The following METTL21A variants were observed in gnomAD, a reference collection of about 807,000 sequenced individuals.
METTL21A encodes methyltransferase 21A, HSPA lysine.
In METTL21A, 22 loss-of-function variants were observed where a neutral mutation model predicts 20.9. The ratio of observed to expected loss-of-function variants is 1.05; its 90% CI spans 0.75 to 1.50. The LOEUF (loss-of-function observed/expected upper bound fraction) is 1.50. Among genes scored for constraint, METTL21A ranks in the 40% most tolerant of loss-of-function variants. METTL21A has a pLI of 0.00. For synonymous variants in METTL21A, 93 were observed against 102.0 expected (o/e 0.91, Z 0.53); for missense variants, 271 against 266.8 (o/e 1.02, Z -0.11).
downstream of METTL21A, chr2:207,581,363 A>G (rs867687709): frequency 5.0e-6 from 1 of 200,328 alleles, no homozygotes; most frequent in Non-Finnish European, 1.0e-5. Flanking sequence ...TTAAGAGTAA[A>G]TAAAGGTGTA....
chr2:207,620,821 T>A, intron 3 of METTL21A: 1 of 831,240 alleles, frequency 1.2e-6, no homozygotes, highest in Non-Finnish European at 1.8e-6. Flanking sequence ...TGAAAAAGTA[T>A]TGGGTTTCTG....
rs147079964 is a variant in METTL21A, at chr2:207,621,815, C to G, written c.250G>C (p.Ala84Pro). The stretch of plus-strand genomic sequence containing the variant: ...AATGCATGACACTCACCCAGCAGGG[C>G]AGCCACTATGCCCACCAGCCCCGTG... The change falls in exon 3 of 4, where the codon GCC (alanine) becomes CCC (proline). Residue 84 changes from alanine to proline, a missense_variant. Physicochemically the swap from Ala to Pro is conservative, Grantham distance 27. Transcript: ENST00000406927. The G allele has an allele frequency of 7.4e-4, 1,188 of 1,613,946 alleles. 1 individual carries two copies. Among genetic ancestry groups the G allele is most frequent in the Non-Finnish European group, 9.1e-4 (1,074 of 1,179,898 alleles).
intron 3 of METTL21A, among the ~76,000 whole-genome samples, chr2:207,592,098 T>C (rs1387121208): frequency 1.3e-5 from 2 of 152,192 alleles, no homozygotes; most frequent in Non-Finnish European, 2.9e-5. Flanking sequence ...TGAAAGATAT[T>C]TTTGCTGGGT....
intron 3 of METTL21A, chr2:207,596,822 G>C: frequency 2.1e-6 from 3 of 1,428,188 alleles, no homozygotes; most frequent in Non-Finnish European, 2.9e-6. Context: ...GTTGCTGTGA[G>C]CTATTTCTTT....
At chr2:207,621,105 G>C (rs1191538707) in intron 3 of METTL21A, among the ~76,000 whole-genome samples, 1 of 152,202 alleles carries the variant, frequency 6.6e-6, no homozygotes, top group Non-Finnish European at 1.5e-5. Flanking sequence ...TATCTTGAAA[G>C]CTGGTCTACC....
At chr2:207,615,333 C>T (rs913409902) in intron 3 of METTL21A, among the ~76,000 whole-genome samples, 2 of 151,866 alleles carry the variant, frequency 1.3e-5, no homozygotes, top group African/African-American at 4.8e-5. Context: ...ATTAGCCAGG[C>T]GTGGTGGCAC....
chr2:207,582,562 G>T (rs577512421), intron 3 of METTL21A, among the ~76,000 whole-genome samples: 1 of 152,112 alleles, frequency 6.6e-6, no homozygotes, highest in East Asian at 1.9e-4. Flanking sequence ...CTTTTGACAT[G>T]CCCCATTTTT....
At chr2:207,597,923 T>C (rs1342323936) in intron 3 of METTL21A, 1 of 185,884 alleles carries the variant, frequency 5.4e-6, no homozygotes, top group East Asian at 8.7e-5. Context: ...ATAACAAGAT[T>C]TTTAAATAAA....
downstream of METTL21A, chr2:207,610,525 C>A (rs2088720727): frequency 3.3e-4 from 1 of 3,050 alleles, no homozygotes; most frequent in Admixed American, 2.4e-3. Context: ...TGCCCGGCCG[C>A]TCCGTCTGAG....
intron 3 of METTL21A, chr2:207,620,771 C>G: frequency 1.5e-6 from 2 of 1,377,192 alleles, no homozygotes; most frequent in Non-Finnish European, 1.9e-6. Flanking sequence ...TGCTCCCTGT[C>G]GAATTTTGGA....
intron 3 of METTL21A, among the ~76,000 whole-genome samples, chr2:207,587,835 A>T (rs927868371): frequency 2.0e-5 from 3 of 152,172 alleles, no homozygotes; most frequent in Non-Finnish European, 4.4e-5. Context: ...TGGTTAATGG[A>T]CACAAACTTA....
chr2:207,612,493 G>T (rs2089107262), downstream of METTL21A: 1 of 151,792 alleles, frequency 6.6e-6, no homozygotes, highest in Non-Finnish European at 1.5e-5. Context: ...AAGGCAAAAA[G>T]CATGATATGA....
In METTL21A at chr2:207,597,397, A is replaced by G. The variant is rs182906174; in HGVS notation, c.260-15237T>C. 1.1e-5 allele frequency: 3 copies of G among 269,586 alleles called. No individual in the cohort carries two copies. The East Asian group carries it at 1.8e-4, about 17-fold the overall frequency. The allele number at this position is 269,586 out of a possible 1,614,324, so 16.7% of individuals were successfully genotyped here. On this transcript the variant is annotated intron_variant, in intron 3 of 3. Coordinates refer to the METTL21A transcript ENST00000425132. ...GAAAATCTTTTTAAAAATGATTTCAAGGTTTGTGCTGAGCTCCTTGATTGC... is the reference window on the plus strand; with the variant it reads ...GAAAATCTTTTTAAAAATGATTTCAGGGTTTGTGCTGAGCTCCTTGATTGC...
intron 3 of METTL21A, among the ~76,000 whole-genome samples, chr2:207,594,314 T>G (rs1378105494): frequency 6.6e-6 from 1 of 152,194 alleles, no homozygotes; most frequent in African/African-American, 2.4e-5. Context: ...TGTGGTGCAG[T>G]AGATTTCCAG....
rs1410024642 is a variant in METTL21A at position 207,613,138 on chromosome 2, T to C, written c.565A>G (p.Arg189Gly). The change falls in exon 4 of 4, where the codon AGG (arginine) becomes GGG (glycine). Residue 189 changes from arginine to glycine, a missense_variant. Transcript: ENST00000406927. ...TGAACCTTTCTCACAGTAAATTGCC[T>C]CTCCAGCATTGCTAAGAAGTTGTTA... The C allele has an allele frequency of 2.5e-6, 4 of 1,613,106 alleles. 1 individual carries two copies. In the South Asian group the frequency reaches 4.4e-5, roughly 18 times the overall value.
chr2:207,603,247 C>T (rs1336862210), intron 3 of METTL21A: 1 of 220,158 alleles, frequency 4.5e-6, no homozygotes, highest in East Asian at 6.7e-5. Context: ...ACACTATGTA[C>T]ATAATAGCTG....
At chr2:207,617,560 C>G (rs778342267) in intron 3 of METTL21A, among the ~76,000 whole-genome samples, 4 of 152,244 alleles carry the variant, frequency 2.6e-5, no homozygotes, top group Non-Finnish European at 5.9e-5. Flanking sequence ...GCTGAAGAGT[C>G]AGGCAGGATG....
chr2:207,620,356 T>C lies in METTL21A; in HGVS notation c.259+1450A>G, dbSNP rs555051525. The stretch of plus-strand genomic sequence containing the variant: ...TACTAGGGAAACTAAGGCAGGAGAA[T>C]TGCTTGAACCCGGGAGGCGGAGGTT... On this transcript the variant is annotated intron_variant, in intron 3 of 3. Transcript: ENST00000406927. 7.9e-5 allele frequency among the ~76,000 whole-genome samples: 12 copies of C among 152,128 alleles called. No individual in the cohort carries two copies. The East Asian group carries it at 2.1e-3, about 27-fold the overall frequency.
chr2:207,587,282 A>G (rs2084034998), intron 3 of METTL21A, among the ~76,000 whole-genome samples: 1 of 151,728 alleles, frequency 6.6e-6, no homozygotes, highest in Non-Finnish European at 1.5e-5. Flanking sequence ...AGTCCCAGCT[A>G]CTCGGGAGGC....
Sources: gnomAD v4.1 joint callset for allele counts (sites outside exome capture counted in the v4.1 genomes callset) on GRCh38, gnomAD v4.1.1 for gene constraint, MANE v1.5 for transcripts, NCBI Gene and HGNC (gene_info 2026-07-23, HGNC 2026-07-21) for gene names.